The following RNLS variants were observed in gnomAD, a reference collection of about 807,000 sequenced individuals.
RNLS encodes renalase.
RNLS carries 39 observed loss-of-function variants against 39.8 expected under a neutral mutation model. The observed-to-expected ratio is 0.98, with a 90% confidence interval of 0.76 to 1.28. The LOEUF is 1.28. Among genes scored for constraint, RNLS ranks in the 50% most tolerant of loss-of-function variants. RNLS has a pLI of 0.00. For missense variants in RNLS, 410 were observed against 413.3 expected (o/e 0.99, Z 0.07); for synonymous variants, 147 against 150.7 (o/e 0.98, Z 0.18).
chr10:88,304,360 C>T (rs78792034), intron 6 of RNLS, among the ~76,000 whole-genome samples: 2,617 of 152,022 alleles, frequency 0.017, 30 homozygotes, highest in Middle Eastern at 0.037. Context: ...GCCAAAATGA[C>T]GGAAATAGAA....
At chr10:88,470,668 T>A (rs901627996) in intron 4 of RNLS, among the ~76,000 whole-genome samples, 1 of 149,004 alleles carries the variant, frequency 6.7e-6, no homozygotes, top group Non-Finnish European at 1.5e-5. Context: ...CAGGCTGGAG[T>A]GCTGTGGCAC....
At chr10:88,239,348 G>A in the RNLS span, among the ~76,000 whole-genome samples, 118 of 152,250 alleles carry the variant, frequency 7.8e-4, 2 homozygotes, top group South Asian at 0.018. Context: ...GACTGCTCCT[G>A]GCAGCAGGTT....
the RNLS span, among the ~76,000 whole-genome samples, chr10:88,179,435 C>T: frequency 2.6e-5 from 4 of 152,178 alleles, no homozygotes. Context: ...CTCTCTCTCT[C>T]TCTCATCATG....
At chr10:88,550,371 T>C (rs979293445) in intron 4 of RNLS, among the ~76,000 whole-genome samples, 4 of 152,136 alleles carry the variant, frequency 2.6e-5, no homozygotes, top group Admixed American at 6.6e-5. Flanking sequence ...GAGTACAAAT[T>C]GAGGGAATCT....
At position 88,521,843 on chromosome 10, in the gene RNLS, A is replaced by G. The variant is rs187220881; in HGVS notation, c.526+51060T>C. Among the ~76,000 whole-genome samples the G allele has an allele frequency of 1.4e-3, 216 of 152,238 alleles. 1 individual carries two copies. Among genetic ancestry groups the G allele is most frequent in the African/African-American group, 5.0e-3 (206 of 41,570 alleles). ...GGACTAAGTCAACCTGGGAATAGCCATAGTTAGCAGAATGTCAGGGGAGAA... is the reference window on the plus strand; with the variant it reads ...GGACTAAGTCAACCTGGGAATAGCCGTAGTTAGCAGAATGTCAGGGGAGAA... On this transcript the variant is annotated intron_variant, in intron 4 of 6. Transcript: ENST00000331772.
chr10:88,230,735 T>A, the RNLS span, among the ~76,000 whole-genome samples: 1 of 152,248 alleles, frequency 6.6e-6, no homozygotes, highest in Non-Finnish European at 1.5e-5. Flanking sequence ...ACATCTTAGA[T>A]AATAATAGCC....
chr10:88,287,317 G>A (rs1843339283), intron 6 of RNLS, among the ~76,000 whole-genome samples: 1 of 152,028 alleles, frequency 6.6e-6, no homozygotes, highest in Admixed American at 6.6e-5. Context: ...CACAAACATA[G>A]CTGATAATCT....
At chr10:88,351,045 T>C (rs1848659071) in intron 5 of RNLS, among the ~76,000 whole-genome samples, 1 of 152,240 alleles carries the variant, frequency 6.6e-6, no homozygotes, top group African/African-American at 2.4e-5. Context: ...GAGAAGTGTC[T>C]GTTCATATCC....
chr10:88,319,988 C>T (rs1310105864), intron 5 of RNLS, among the ~76,000 whole-genome samples: 1 of 151,770 alleles, frequency 6.6e-6, no homozygotes, highest in South Asian at 2.1e-4. Flanking sequence ...CTATAATTAT[C>T]AGACTATCCA....
intron 5 of RNLS, among the ~76,000 whole-genome samples, chr10:88,329,481 T>G (rs1589567266): frequency 8.9e-6 from 1 of 112,610 alleles, no homozygotes; most frequent in Non-Finnish European, 2.0e-5. Context: ...AGATTTGAGG[T>G]TTTTTTTGGT....
At chr10:88,181,383 G>T in the RNLS span, among the ~76,000 whole-genome samples, 1 of 152,126 alleles carries the variant, frequency 6.6e-6, no homozygotes, top group African/African-American at 2.4e-5. Context: ...ATTTTAGCTT[G>T]GTGAAGACTT....
At chr10:88,516,999 T>C (rs1309943341) in intron 4 of RNLS, among the ~76,000 whole-genome samples, 3 of 151,990 alleles carry the variant, frequency 2.0e-5, no homozygotes, top group South Asian at 2.1e-4. Context: ...TTTCAAAATA[T>C]GATAGAACTG....
chr10:88,308,403 T>A (rs1308773221), intron 6 of RNLS, among the ~76,000 whole-genome samples: 4 of 151,234 alleles, frequency 2.6e-5, no homozygotes, highest in Admixed American at 2.6e-4. Context: ...AGGTCTAATA[T>A]CCAGCAACTA....
intron 4 of RNLS, among the ~76,000 whole-genome samples, chr10:88,494,713 C>T (rs1326668419): frequency 1.3e-5 from 2 of 152,078 alleles, no homozygotes; most frequent in Non-Finnish European, 2.9e-5. Context: ...AGACCTTGGC[C>T]AACTTGTGGT....
rs1168752976 is a variant in RNLS, at chr10:88,284,277, T to G, written c.*1077A>C. On this transcript the variant is annotated 3_prime_UTR_variant, in exon 7 of 7. Coordinates refer to ENST00000331772, the MANE Select transcript of RNLS (RefSeq NM_001031709.3). ...CTTTAAACACTATTACAGTAAGAAGTCTTTTGTTGAACTTTTGTTAGTTTG... is the reference window on the plus strand; with the variant it reads ...CTTTAAACACTATTACAGTAAGAAGGCTTTTGTTGAACTTTTGTTAGTTTG... 1.0e-6 allele frequency: 1 copy of G among 985,180 alleles called. No homozygotes were observed. Among genetic ancestry groups the G allele is most frequent in the African/African-American group, 1.7e-5 (1 of 57,208 alleles). The allele number at this position is 985,180 out of a possible 1,614,324, so 61.0% of individuals were successfully genotyped here.
At chr10:88,331,927 G>A (rs1351163729) in intron 5 of RNLS, among the ~76,000 whole-genome samples, 1 of 152,148 alleles carries the variant, frequency 6.6e-6, no homozygotes, top group African/African-American at 2.4e-5. Flanking sequence ...GAGAGAGAGG[G>A]GAGAAAGATG....
chr10:88,258,645 C>G, the RNLS span, among the ~76,000 whole-genome samples: 4 of 152,184 alleles, frequency 2.6e-5, no homozygotes, highest in Admixed American at 1.3e-4. Flanking sequence ...CTTTTACCAA[C>G]AGAGAAACTG....
chr10:88,517,310 T>C (rs1589939834), intron 4 of RNLS, among the ~76,000 whole-genome samples: 1 of 151,942 alleles, frequency 6.6e-6, no homozygotes. Context: ...TTTTACCACA[T>C]ACTTATTTGA....
At chr10:88,307,962 G>C (rs2133006427) in intron 6 of RNLS, among the ~76,000 whole-genome samples, 1 of 152,276 alleles carries the variant, frequency 6.6e-6, no homozygotes, top group East Asian at 1.9e-4. Flanking sequence ...GAACAGAATA[G>C]AGAACTCAGA....
Sources: gnomAD v4.1 joint callset for allele counts (sites outside exome capture counted in the v4.1 genomes callset) on GRCh38, gnomAD v4.1.1 for gene constraint, MANE v1.5 for transcripts, NCBI Gene and HGNC (gene_info 2026-07-23, HGNC 2026-07-21) for gene names.